The following DNAH11 variants were observed in gnomAD, a reference collection of about 807,000 sequenced individuals.
DNAH11 encodes axonemal beta dynein heavy chain 11.
Under a neutral mutation model 526.0 loss-of-function variants are expected in DNAH11, and 442 were observed. The observed-to-expected ratio is 0.84, with a 90% CI of 0.78 to 0.91. The LOEUF (loss-of-function observed/expected upper bound fraction) is 0.91, where lower values mean the gene tolerates loss of function less well. DNAH11 is among the 40% of genes least tolerant of loss of function. The pLI is 0.00. For synonymous variants in DNAH11, 2,461 were observed against 1,935.9 expected (o/e 1.27, Z -7.12); for missense variants, 6,989 against 5,448.7 (o/e 1.28, Z -8.90).
At chr7:21,886,906 G>A (rs1321389549) in intron 76 of DNAH11, among the ~76,000 whole-genome samples, 1 of 152,154 alleles carries the variant, frequency 6.6e-6, no homozygotes, top group Non-Finnish European at 1.5e-5. Context: ...ATCCTCACTG[G>A]AGAGGTACCT....
At chr7:21,547,238 C>T (rs1347337393) in intron 2 of DNAH11, among the ~76,000 whole-genome samples, 1 of 152,178 alleles carries the variant, frequency 6.6e-6, no homozygotes, top group Non-Finnish European at 1.5e-5. Flanking sequence ...GCATGTGGCT[C>T]AGAATTTCGT....
intron 49 of DNAH11, among the ~76,000 whole-genome samples, chr7:21,742,972 A>C (rs1275762848): frequency 6.6e-6 from 1 of 152,224 alleles, no homozygotes; most frequent in East Asian, 1.9e-4. Context: ...TGGTGCCTTA[A>C]GTGGTGCATC....
chr7:21,589,617 C>T lies in DNAH11; in HGVS notation c.2169+214C>T, dbSNP rs117443340. 2.8e-4 allele frequency among the ~76,000 whole-genome samples: 42 copies of T among 152,122 alleles called. No individual in the cohort carries two copies. In the East Asian group the frequency reaches 7.9e-3, roughly 29 times the overall value. ...AATTTGTATTGTAATTGTTTCTTTA[C>T]CACGCCACCCTCACTAGATAATGAG... On this transcript the variant is annotated intron_variant, in intron 12 of 81. Coordinates refer to ENST00000409508, the MANE Select transcript of DNAH11 (RefSeq NM_001277115.2).
At chr7:21,797,921 T>G (rs559024975) in intron 61 of DNAH11, among the ~76,000 whole-genome samples, 2 of 152,366 alleles carry the variant, frequency 1.3e-5, no homozygotes, top group Non-Finnish European at 2.9e-5. Flanking sequence ...TTGCTGAATG[T>G]GCTGTGCCAT....
In DNAH11 at chr7:21,613,489, A is replaced by G. The variant is rs1456416346; in HGVS notation, c.3853-1625A>G. 3.3e-5 allele frequency among the ~76,000 whole-genome samples: 5 copies of G among 151,742 alleles called. No individual in the cohort carries two copies. The East Asian group carries it at 9.7e-4, about 29-fold the overall frequency. Reference sequence around the variant, plus strand: ...AACATTTTAAAACTAAAAGAATTGCAGTTCTTGTATGTGAAGATATAACTT... The same window carrying G: ...AACATTTTAAAACTAAAAGAATTGCGGTTCTTGTATGTGAAGATATAACTT... On this transcript the variant is annotated intron_variant, in intron 20 of 81. Transcript: ENST00000409508.
intron 2 of DNAH11, among the ~76,000 whole-genome samples, chr7:21,547,896 A>C (rs1203953430): frequency 2.0e-5 from 3 of 152,166 alleles, no homozygotes; most frequent in Non-Finnish European, 2.9e-5. Context: ...AGCAACTTTA[A>C]TTTGGTCTCT....
At position 21,901,809 on chromosome 7, in the gene DNAH11, T is replaced by TTTAATAAAAATAAAACTG. The variant is rs1562616289; in HGVS notation, c.*558_*575dup. 2 of 164,592 alleles carry TTTAATAAAAATAAAACTG rather than the reference T, an allele frequency of 1.2e-5. No homozygotes were observed. Among genetic ancestry groups the TTTAATAAAAATAAAACTG allele is most frequent in the Non-Finnish European group, 2.7e-5 (2 of 74,706 alleles). 10.2% of individuals were successfully genotyped at this position (164,592 alleles called of 1,614,324 possible). A position where few individuals can be genotyped will look rare whatever the true frequency, so the allele number is the denominator to read the frequency against. ...ATGGTCCCCTTTTGTTCAGTCAAGT[T>TTTAATAAAAATAAAACTG]TTAATAAAAATAAAACTGTTCTACA... On this transcript the variant is annotated 3_prime_UTR_variant, in exon 82 of 82. Coordinates refer to ENST00000409508, the MANE Select transcript of DNAH11 (RefSeq NM_001277115.2).
At chr7:21,544,158 C>G (rs1182007282) in intron 1 of DNAH11, among the ~76,000 whole-genome samples, 1 of 152,068 alleles carries the variant, frequency 6.6e-6, no homozygotes, top group Non-Finnish European at 1.5e-5. Context: ...TCTTCCTTTT[C>G]TTTTTGAATT....
At chr7:21,589,820 C>T (rs990136594) in intron 12 of DNAH11, among the ~76,000 whole-genome samples, 3 of 152,136 alleles carry the variant, frequency 2.0e-5, no homozygotes, top group Non-Finnish European at 2.9e-5. Context: ...GTTAAAATTT[C>T]ATCACGTAAG....
intron 9 of DNAH11, among the ~76,000 whole-genome samples, chr7:21,587,326 A>G (rs1784506019): frequency 6.6e-6 from 1 of 152,142 alleles, no homozygotes; most frequent in African/African-American, 2.4e-5. Context: ...TTTGCTGGTC[A>G]TGTGATCCTG....
intron 65 of DNAH11, among the ~76,000 whole-genome samples, chr7:21,835,404 GATC>G (rs1781956417): frequency 1.3e-5 from 2 of 152,034 alleles, no homozygotes; most frequent in African/African-American, 4.8e-5. Context: ...ACATTAAAAA[GATC>G]ATTCACTATG....
intron 65 of DNAH11, among the ~76,000 whole-genome samples, chr7:21,833,341 C>CT: frequency 6.6e-6 from 1 of 152,222 alleles, no homozygotes; most frequent in South Asian, 2.1e-4. Context: ...TGGAATTTCT[C>CT]TAAGACTCTC....
intron 76 of DNAH11, among the ~76,000 whole-genome samples, chr7:21,888,570 A>C (rs1032785042): frequency 6.6e-6 from 1 of 150,678 alleles, no homozygotes; most frequent in African/African-American, 2.4e-5. Context: ...GCTCACTGCA[A>C]CCTCCACCTT....
At chr7:21,657,086 G>C (rs546775177) in intron 29 of DNAH11, among the ~76,000 whole-genome samples, 1 of 152,144 alleles carries the variant, frequency 6.6e-6, no homozygotes, top group Non-Finnish European at 1.5e-5. Flanking sequence ...AATTTATTCT[G>C]TATAAGCAAC....
At chr7:21,818,388 A>G (rs759281179) in intron 65 of DNAH11, 49 bp downstream of exon 65, 1 of 1,573,448 alleles carries the variant, frequency 6.4e-7, no homozygotes, top group Non-Finnish European at 8.6e-7. Context: ...AATGATTTTC[A>G]GCAGCAGCAT....
chr7:21,894,506 G>C (rs1784437782), intron 77 of DNAH11, 117 bp from the exon 78 acceptor site: 1 of 1,069,232 alleles, frequency 9.4e-7, no homozygotes, highest in African/African-American at 1.6e-5. Flanking sequence ...TGCATTTGCA[G>C]GCACCTTCGG....
chr7:21,816,246 A>C (rs1025284673), intron 63 of DNAH11, among the ~76,000 whole-genome samples: 4 of 152,152 alleles, frequency 2.6e-5, no homozygotes, highest in Non-Finnish European at 4.4e-5. Context: ...GATAAAACCG[A>C]TGTTGAATCC....
At chr7:21,618,884 G>C (rs1436650607) in intron 23 of DNAH11, among the ~76,000 whole-genome samples, 2 of 152,230 alleles carry the variant, frequency 1.3e-5, no homozygotes, top group African/African-American at 2.4e-5. Context: ...TAGCACGGAT[G>C]TGACTAAACT....
At position 21,615,177 on chromosome 7, in the gene DNAH11, T is replaced by C. The variant is rs961415621; in HGVS notation, c.3916T>C (p.Phe1306Leu). ...GCAGATGCAAGAATCTACTCGTCTTTTTGAAGTGGCTCTTCCAGAGTACAA... is the reference window on the plus strand; with the variant it reads ...GCAGATGCAAGAATCTACTCGTCTTCTTGAAGTGGCTCTTCCAGAGTACAA... ...MLQMQESTRL[F>L]EVALPEYKQM... Residue 1306 changes from phenylalanine (F) to leucine (L), a missense_variant, in exon 21 of 82, where the codon TTT (phenylalanine) becomes CTT (leucine). Transcript: ENST00000409508. 6.2e-7 allele frequency: 1 copy of C among 1,613,190 alleles called. No individual in the cohort carries two copies. The highest frequency in any genetic ancestry group is 2.2e-5 in the East Asian group (1 of 44,810).
Sources: allele counts gnomAD v4.1 joint callset (sites outside exome capture counted in the v4.1 genomes callset), GRCh38; gene constraint gnomAD v4.1.1; transcripts MANE v1.5; gene names NCBI Gene and HGNC (gene_info 2026-07-23, HGNC 2026-07-21).